CCDC154: variants seen among roughly 807,000 people sequenced by gnomAD.
CCDC154 encodes the protein coiled-coil domain containing 154.
A neutral mutation model predicts 87.5 loss-of-function variants in CCDC154; 91 were observed. The ratio of observed to expected loss-of-function variants is 1.04; its 90% CI spans 0.88 to 1.24. The LOEUF (loss-of-function observed/expected upper bound fraction) is 1.24. Ranked by LOEUF, CCDC154 falls within the 50% of genes most tolerant of loss-of-function variation. The probability of loss-of-function intolerance (pLI) is 0.00; values close to 1 mark genes in which losing one functional copy is unlikely to be tolerated. For synonymous variants in CCDC154, 418 were observed against 400.4 expected (o/e 1.04, Z -0.52); for missense variants, 903 against 879.2 (o/e 1.03, Z -0.34).
chr16:1,434,785 G>A lies in CCDC154; in HGVS notation c.1760C>T (p.Thr587Met), dbSNP rs769618310. The stretch of plus-strand genomic sequence containing the variant: ...GAGCGCCTTCCAGCTGCCCAGCGGC[G>A]TCCGCGGGCCCTCCTCACTCCACAG... Reference protein sequence around the residue: ...LRLWSEEGPRTPLGSWKALPS... With the variant: ...LRLWSEEGPRMPLGSWKALPS... Residue 587 changes from threonine to methionine, a missense_variant, in exon 16 of 17, where the codon ACG (threonine) becomes ATG (methionine). Coordinates refer to ENST00000389176, the MANE Select transcript of CCDC154 (RefSeq NM_001143980.3). 8.0e-5 allele frequency: 124 copies of A among 1,541,636 alleles called. No individual in the cohort carries two copies. Among genetic ancestry groups the A allele is most frequent in the Admixed American group, 3.0e-4 (15 of 50,818 alleles).
At chr16:1,439,417 A>C in intron 6 of CCDC154, 1 of 446,718 alleles carries the variant, frequency 2.2e-6, no homozygotes, top group Non-Finnish European at 4.0e-6. Context: ...AAGGCCCCCC[A>C]GCCGCCACCA....
chr16:1,435,306 T>C, intron 14 of CCDC154, 131 bp from the exon 15 acceptor site: 1 of 770,480 alleles, frequency 1.3e-6, no homozygotes, highest in Non-Finnish European at 2.2e-6. Flanking sequence ...ATGCTGGTCC[T>C]CGTCCCCACT....
chr16:1,437,799 G>C lies in CCDC154; in HGVS notation c.1290+18C>G, dbSNP rs771438779. 4.6e-6 allele frequency: 7 copies of C among 1,518,542 alleles called. No individual in the cohort carries two copies. The highest frequency in any genetic ancestry group is 6.2e-6 in the Non-Finnish European group (7 of 1,134,296). 94.1% of individuals were successfully genotyped at this position (1,518,542 alleles called of 1,614,324 possible). A position where few individuals can be genotyped will look rare whatever the true frequency, so the allele number is the denominator to read the frequency against. ...ACTCCCCATAGCCCCGCCTGCCCCC[G>C]CCCGCTGCCTGGCGCACCTCGGACA... On this transcript the variant is annotated intron_variant, in intron 11 of 16. Coordinates refer to ENST00000389176, the MANE Select transcript of CCDC154 (RefSeq NM_001143980.3).
Position 1,437,253 on chromosome 16 carries a change from G to C in CCDC154, c.1291-442C>G, listed in dbSNP as rs562937065. ...AGCGGGAAACGGGATGCCCGTGGGT[G>C]TCACCGCCACAGCGGCCGCACCGTG... is the stretch of plus-strand genomic sequence containing the variant. On this transcript the variant is annotated intron_variant, in intron 11 of 16. Transcript: ENST00000389176. 5 of 208,100 alleles carry C rather than the reference G, an allele frequency of 2.4e-5. No homozygotes were observed. The East Asian group carries it at 6.8e-4, about 28-fold the overall frequency. The allele number at this position is 208,100 out of a possible 1,614,324, so 12.9% of individuals were successfully genotyped here. A position where few individuals can be genotyped will look rare whatever the true frequency, so the allele number is the denominator to read the frequency against.
In CCDC154 at chr16:1,438,715, C is replaced by T. The variant is rs1337584496; in HGVS notation, c.929G>A (p.Cys310Tyr). 5.2e-6 allele frequency: 8 copies of T among 1,549,834 alleles called. No homozygotes were observed. Among genetic ancestry groups the T allele is most frequent in the Non-Finnish European group, 7.0e-6 (8 of 1,146,740 alleles). The change falls in exon 9 of 17, where the codon TGC becomes TAC. Residue 310 changes from cysteine to tyrosine, a missense_variant. By Grantham distance (194) the Cys-to-Tyr change is radical (BLOSUM62 -2). Coordinates refer to ENST00000389176, the MANE Select transcript of CCDC154 (RefSeq NM_001143980.3). ...GGCCACGGCAGCATCCAGGCCCTGG[C>T]ACTGCTCCAGGAGGTGGCTCTCCTG... ...QHEESHLLEQ[C>Y]QGLDAAVAQL...
In CCDC154 at chr16:1,437,909, C is replaced by A. The variant is rs1283192065; in HGVS notation, c.1198G>T (p.Ala400Ser). Residue 400 changes from alanine (A) to serine (S), a missense_variant, in exon 11 of 17, where the codon GCC becomes TCC. By Grantham distance (99) the Ala-to-Ser change is moderately conservative (BLOSUM62 1). Coordinates refer to ENST00000389176, the MANE Select transcript of CCDC154 (RefSeq NM_001143980.3). ...RALEASVAQL[A>S]GQLKELSGHL... ...CCACTCAGCTCCTTTAACTGCCCGG[C>A]CAGCTGCGCCACGGATGCCTCCAGA... 6.5e-7 allele frequency: 1 copy of A among 1,546,928 alleles called. No homozygotes were observed.
At chr16:1,435,012 C>A in intron 15 of CCDC154, 77 bp downstream of exon 15, 1 of 1,447,734 alleles carries the variant, frequency 6.9e-7, no homozygotes, top group Non-Finnish European at 9.4e-7. Context: ...GCGCCTGCAG[C>A]AGGGCAGGCG....
chr16:1,443,032 G>A (rs2038568946), intron 4 of CCDC154, 57 bp from the exon 5 acceptor site: 2 of 1,536,736 alleles, frequency 1.3e-6, no homozygotes, highest in South Asian at 2.4e-5. Flanking sequence ...GCCTCGGCGG[G>A]CTGGGGGTCT....
Position 1,442,412 on chromosome 16 carries a change from T to G in CCDC154, c.669A>C (p.Arg223Ser). ...AGCCTGGGCCTGGTGGTACCTGCAT[T>G]CTGGCCACCTCCAGGTCCACCCTCC... The part of the protein sequence containing the change: ...SSRRVDLEVA[R>S]MQAQVTKLGE... Residue 223 changes from arginine to serine, a missense_variant, in exon 6 of 17, where the codon AGA becomes AGC. Transcript: ENST00000389176. 6.5e-7 allele frequency: 1 copy of G among 1,547,928 alleles called. No homozygotes were observed. The highest frequency in any genetic ancestry group is 8.7e-7 in the Non-Finnish European group (1 of 1,145,748).
intron 6 of CCDC154, 106 bp downstream of exon 6, chr16:1,442,300 A>G (rs2038558624): frequency 1.6e-6 from 2 of 1,238,682 alleles, no homozygotes; most frequent in African/African-American, 1.5e-5. Flanking sequence ...CAGTGGACAC[A>G]GATACATGGT....
intron 9 of CCDC154, 114 bp from the exon 10 acceptor site, chr16:1,438,290 C>T (rs373695574): frequency 1.3e-4 from 168 of 1,308,164 alleles, no homozygotes; most frequent in Non-Finnish European, 1.5e-4. Context: ...ACCCTGGGAT[C>T]GGAAGATGGG....
chr16:1,435,333 G>T, intron 14 of CCDC154, 158 bp from the exon 15 acceptor site: 1 of 669,960 alleles, frequency 1.5e-6, no homozygotes, highest in Non-Finnish European at 2.6e-6. Context: ...CCCAGGACAA[G>T]CTCCGCTGAG....
intron 6 of CCDC154, among the ~76,000 whole-genome samples, chr16:1,441,671 C>T (rs1002096793): frequency 1.8e-4 from 28 of 152,192 alleles, no homozygotes; most frequent in Admixed American, 3.9e-4. Flanking sequence ...TCTGTGGACC[C>T]GGGCAGGCGC....
intron 6 of CCDC154, 81 bp downstream of exon 6, chr16:1,442,325 T>C: frequency 7.1e-7 from 1 of 1,416,786 alleles, no homozygotes; most frequent in Non-Finnish European, 9.3e-7. Flanking sequence ...GGCCGCTGTA[T>C]CGGATGGCAC....
intron 14 of CCDC154, 132 bp from the exon 15 acceptor site, chr16:1,435,307 C>T (rs1431327396): frequency 3.9e-6 from 3 of 770,174 alleles, no homozygotes; most frequent in African/African-American, 1.7e-5. Flanking sequence ...TGCTGGTCCT[C>T]GTCCCCACTG....
intron 11 of CCDC154, chr16:1,437,561 C>T (rs956488418): frequency 1.9e-5 from 9 of 462,002 alleles, no homozygotes; most frequent in South Asian, 8.6e-5. Context: ...CCCGCATGGC[C>T]GGGCCGTGGG....
At chr16:1,436,338 A>G in intron 13 of CCDC154, 107 bp downstream of exon 13, 1 of 1,059,190 alleles carries the variant, frequency 9.4e-7, no homozygotes, top group Admixed American at 2.1e-5. Context: ...CAGGGGGAAC[A>G]GGTCTGTCAC....
chr16:1,438,951 G>A lies in CCDC154; in HGVS notation c.778-8C>T. On this transcript the variant is annotated splice_polypyrimidine_tract_variant and splice_region_variant and intron_variant, in intron 7 of 16. Transcript: ENST00000389176. ...CTCCGAGGCCTTCATTCTCTGTGGG[G>A]AGACCCCACTGTCAGCTGCAGGTCT... The A allele has an allele frequency of 6.5e-7, 1 of 1,548,946 alleles. No homozygotes were observed. Among genetic ancestry groups the A allele is most frequent in the Admixed American group, 2.0e-5 (1 of 50,936 alleles).
chr16:1,434,430 G>A lies in CCDC154; in HGVS notation c.1982C>T (p.Pro661Leu), dbSNP rs1031233423. ...HSQEQVQQLT[P>L]SLFIQK ...CGTTTATTTCTGGATAAACAGTGAGGGTGTGAGCTGCTGCACCTGCTCCTG... is the reference window on the plus strand; with the variant it reads ...CGTTTATTTCTGGATAAACAGTGAGAGTGTGAGCTGCTGCACCTGCTCCTG... Residue 661 changes from proline (P) to leucine (L), a missense_variant, in exon 17 of 17, where the codon CCC (proline) becomes CTC (leucine). Coordinates refer to ENST00000389176, the MANE Select transcript of CCDC154 (RefSeq NM_001143980.3). 3 of 1,550,228 alleles carry A rather than the reference G, an allele frequency of 1.9e-6. No individual in the cohort carries two copies. The highest frequency in any genetic ancestry group is 2.7e-5 in the African/African-American group (2 of 73,040).
Sources: allele counts gnomAD v4.1 joint callset (sites outside exome capture counted in the v4.1 genomes callset), GRCh38; gene constraint gnomAD v4.1.1; transcripts MANE v1.5; gene names NCBI Gene and HGNC (gene_info 2026-07-23, HGNC 2026-07-21).